The following TMEFF2 variants were observed in gnomAD, a reference collection of about 807,000 sequenced individuals.
TMEFF2 encodes transmembrane protein with EGF like and two follistatin like domains 2.
In TMEFF2, 28 loss-of-function variants were observed where a neutral mutation model predicts 53.8. The observed-to-expected ratio is 0.52, with a 90% CI of 0.39 to 0.71. TMEFF2 has a LOEUF of 0.71. Among genes scored for constraint, TMEFF2 ranks in the 30% least tolerant of loss-of-function variants. The pLI, the probability that TMEFF2 is intolerant of heterozygous loss-of-function variation, is 0.00. For synonymous variants in TMEFF2, 162 were observed against 166.3 expected, an observed-to-expected ratio of 0.97 and a Z score of 0.20; for missense variants, 353 against 455.2, an observed-to-expected ratio of 0.78 and a Z score of 2.04.
chr2:192,109,672 A>G (rs1319260678), intron 4 of TMEFF2, among the ~76,000 whole-genome samples: 6 of 152,096 alleles, frequency 3.9e-5, no homozygotes, highest in African/African-American at 1.4e-4. Context: ...CAAATATTGA[A>G]ACAACCATTT....
At chr2:192,050,405 CA>C (rs1574327106) in intron 5 of TMEFF2, among the ~76,000 whole-genome samples, 3 of 152,154 alleles carry the variant, frequency 2.0e-5, no homozygotes, top group Non-Finnish European at 4.4e-5. Flanking sequence ...AGGCTAGCAT[CA>C]CAGAAGACTC....
chr2:192,036,345 A>C (rs1223050984), intron 5 of TMEFF2: 2 of 152,168 alleles, frequency 1.3e-5, no homozygotes, highest in Non-Finnish European at 2.9e-5. Context: ...CACTTCAAAG[A>C]CTAGCCAATA....
intron 4 of TMEFF2, among the ~76,000 whole-genome samples, chr2:192,136,786 A>C: frequency 6.6e-6 from 1 of 152,154 alleles, no homozygotes; most frequent in East Asian, 1.9e-4. Flanking sequence ...TTCCATTTGG[A>C]AATAAGTCAT....
chr2:191,972,669 C>T (rs1033496911), intron 7 of TMEFF2, among the ~76,000 whole-genome samples: 2 of 152,042 alleles, frequency 1.3e-5, no homozygotes, highest in African/African-American at 4.8e-5. Flanking sequence ...TCCCTTGTAC[C>T]TTACAGGTGG....
intron 7 of TMEFF2, among the ~76,000 whole-genome samples, chr2:191,964,267 TTC>T: frequency 2.7e-4 from 1 of 3,712 alleles, no homozygotes; most frequent in Non-Finnish European, 0.01. Context: ...CTCCTTTCTT[TTC>T]TTTTTTCTTT....
intron 3 of TMEFF2, among the ~76,000 whole-genome samples, chr2:192,183,901 T>C (rs1691248154): frequency 6.6e-6 from 1 of 152,106 alleles, no homozygotes; most frequent in African/African-American, 2.4e-5. Flanking sequence ...GAAGACCATT[T>C]TGTAGAGCTG....
At chr2:192,177,783 T>G (rs1245931970) in intron 4 of TMEFF2, 1 of 151,032 alleles carries the variant, frequency 6.6e-6, no homozygotes, top group Non-Finnish European at 1.5e-5. Context: ...AGATTAAAAT[T>G]ATTTCCTGAA....
chr2:192,127,983 TTAGCCCTAAG>T (rs1689718755), intron 4 of TMEFF2, among the ~76,000 whole-genome samples: 1 of 152,208 alleles, frequency 6.6e-6, no homozygotes, highest in African/African-American at 2.4e-5. Flanking sequence ...GTAGCTTTTC[TTAGCCCTAAG>T]TCACACAATT....
At chr2:192,189,032 T>A (rs1331438906) in intron 2 of TMEFF2, among the ~76,000 whole-genome samples, 1 of 151,754 alleles carries the variant, frequency 6.6e-6, no homozygotes, top group Non-Finnish European at 1.5e-5. Context: ...AATAAAAGTT[T>A]AAAAAAGGGG....
chr2:192,090,726 G>A (rs891859777), intron 4 of TMEFF2, among the ~76,000 whole-genome samples: 10 of 152,132 alleles, frequency 6.6e-5, no homozygotes, highest in African/African-American at 2.4e-4. Flanking sequence ...ATTTAGTACA[G>A]CGTTAATCAA....
At chr2:192,076,900 A>G (rs2105921779) in intron 4 of TMEFF2, among the ~76,000 whole-genome samples, 2 of 152,290 alleles carry the variant, frequency 1.3e-5, no homozygotes, top group Middle Eastern at 6.8e-3. Context: ...GATCAAGCTC[A>G]GGGCTCAGTC....
chr2:191,956,645 G>C (rs564010228), intron 7 of TMEFF2, among the ~76,000 whole-genome samples: 1 of 152,128 alleles, frequency 6.6e-6, no homozygotes, highest in African/African-American at 2.4e-5. Flanking sequence ...TCTAGGACTT[G>C]TCAGACAGCT....
chr2:192,110,152 A>G (rs1016735677), intron 4 of TMEFF2, among the ~76,000 whole-genome samples: 3 of 152,158 alleles, frequency 2.0e-5, no homozygotes, highest in African/African-American at 7.2e-5. Context: ...CTAGGCCCAG[A>G]GAGCAATACA....
rs1437666520 is a variant in TMEFF2, at chr2:191,964,247, TCCTTCCTTCC to T, written c.746-7879_746-7870del. ...GTCTTTCTTTCCTTCCTTCCTTCCT[TCCTTCCTTCC>T]TCCTTTCTTTTCTTTTTTCTTTTCC... is the stretch of plus-strand genomic sequence containing the variant. On this transcript the variant is annotated intron_variant, in intron 7 of 9. Coordinates refer to ENST00000272771, the MANE Select transcript of TMEFF2 (RefSeq NM_016192.4). Among the ~76,000 whole-genome samples the T allele has an allele frequency of 8.0e-4, 75 of 94,016 alleles. 1 individual carries two copies. Among genetic ancestry groups the T allele is most frequent in the African/African-American group, 2.8e-3 (69 of 24,744 alleles). The allele number at this position is 94,016 out of a possible 152,430, so 61.7% of individuals were successfully genotyped here.
intron 5 of TMEFF2, among the ~76,000 whole-genome samples, chr2:192,004,108 A>AAATT (rs1473678426): frequency 1.3e-5 from 2 of 152,214 alleles, no homozygotes; most frequent in African/African-American, 4.8e-5. Context: ...GTTGTTGAAT[A>AAATT]AATTACTGAG....
At chr2:192,175,572 T>A (rs1326179631) in intron 4 of TMEFF2, among the ~76,000 whole-genome samples, 1 of 151,498 alleles carries the variant, frequency 6.6e-6, no homozygotes, top group East Asian at 1.9e-4. Context: ...GACTTCTACA[T>A]ATCCAACAAT....
intron 4 of TMEFF2, among the ~76,000 whole-genome samples, chr2:192,058,902 A>C (rs993287956): frequency 2.6e-5 from 4 of 152,184 alleles, no homozygotes; most frequent in African/African-American, 9.6e-5. Flanking sequence ...ACAACTTATT[A>C]ACATGCACCT....
intron 4 of TMEFF2, among the ~76,000 whole-genome samples, chr2:192,059,872 T>C (rs774135168): frequency 6.6e-6 from 1 of 152,150 alleles, no homozygotes; most frequent in Non-Finnish European, 1.5e-5. Flanking sequence ...TTCTATGAAG[T>C]CACCCACAAA....
intron 4 of TMEFF2, among the ~76,000 whole-genome samples, chr2:192,097,410 T>C (rs990259354): frequency 5.9e-5 from 9 of 152,254 alleles, no homozygotes; most frequent in African/African-American, 2.2e-4. Context: ...ATTCTTTAGC[T>C]ATGCTAACAG....
Sources: gnomAD v4.1 joint callset for allele counts (sites outside exome capture counted in the v4.1 genomes callset) on GRCh38, gnomAD v4.1.1 for gene constraint, MANE v1.5 for transcripts, NCBI Gene and HGNC (gene_info 2026-07-23, HGNC 2026-07-21) for gene names.